CBR4: variants seen among roughly 807,000 people sequenced by gnomAD.
The protein encoded by CBR4 is carbonyl reductase 4.
A neutral mutation model predicts 21.0 loss-of-function variants in CBR4; 22 were observed. The observed-to-expected ratio is 1.05, with a 90% CI of 0.75 to 1.50. The LOEUF (loss-of-function observed/expected upper bound fraction) is 1.50. Ranked by LOEUF, CBR4 falls within the 40% of genes most tolerant of loss-of-function variation. The pLI is 0.00. For synonymous variants in CBR4, 100 were observed against 104.4 expected (o/e 0.96, Z 0.26); for missense variants, 302 against 286.3 (o/e 1.05, Z -0.40).
chr4:168,929,067 T>TGC (rs2126646508), intron 2 of CBR4, among the ~76,000 whole-genome samples: 1 of 152,264 alleles, frequency 6.6e-6, no homozygotes, highest in Admixed American at 6.5e-5. Context: ...ACTGTAGGTA[T>TGC]GCATGTAAAT....
In CBR4 at chr4:169,002,212, C is replaced by CAGA. The variant is rs1730508637; in HGVS notation, c.401-8_401-7insTCT. On this transcript the variant is annotated splice_region_variant and splice_polypyrimidine_tract_variant and intron_variant, in intron 3 of 4. Coordinates refer to ENST00000306193, the MANE Select transcript of CBR4 (RefSeq NM_032783.5). ...TTTAAGCCAACAATGCTTCCTAGGACAAAAAAAAAAAAAAAAAAAAAAAAA... is the reference window on the plus strand; with the variant it reads ...TTTAAGCCAACAATGCTTCCTAGGACAGAAAAAAAAAAAAAAAAAAAAAAAAAA... 1.4e-6 allele frequency: 1 copy of CAGA among 737,132 alleles called. No homozygotes were observed. Among genetic ancestry groups the CAGA allele is most frequent in the Non-Finnish European group, 1.7e-6 (1 of 597,894 alleles). The allele number at this position is 737,132 out of a possible 1,614,324, so 45.7% of individuals were successfully genotyped here. A position where few individuals can be genotyped will look rare whatever the true frequency, so the allele number is the denominator to read the frequency against.
In CBR4 at chr4:168,905,461, C is replaced by CTAAA. The variant is rs200057120; in HGVS notation, n.170-10700_170-10697dup. On this transcript the variant is annotated intron_variant and non_coding_transcript_variant, in intron 2 of 3. Coordinates refer to the CBR4 transcript ENST00000509108. ...CTGCACCCGGCCTGAGACTCTGTTT[C>CTAAA]TAAATAAATAAATAAATAAAGTTTA... Among the ~76,000 whole-genome samples, 355 of 151,700 alleles carry CTAAA rather than the reference C, an allele frequency of 2.3e-3. 4 individuals carry two copies. The highest frequency in any genetic ancestry group is 0.016 in the Admixed American group (246 of 15,224).
intron 2 of CBR4, among the ~76,000 whole-genome samples, chr4:168,924,068 G>A (rs78442642): frequency 2.6e-5 from 4 of 152,226 alleles, no homozygotes; most frequent in Admixed American, 6.5e-5. Flanking sequence ...ATAAATGAGC[G>A]GAATGAAGTA....
At chr4:168,925,820 A>T (rs1230279099) in intron 2 of CBR4, among the ~76,000 whole-genome samples, 6 of 152,160 alleles carry the variant, frequency 3.9e-5, no homozygotes, top group Non-Finnish European at 5.9e-5. Flanking sequence ...CTTTCAGTTG[A>T]TTAGTGTTAA....
At chr4:168,928,885 A>AATC (rs1258134254) in intron 2 of CBR4, among the ~76,000 whole-genome samples, 1 of 152,170 alleles carries the variant, frequency 6.6e-6, no homozygotes, top group Admixed American at 6.5e-5. Flanking sequence ...CCATCCAGAT[A>AATC]ATCTCCCTTT....
intron 2 of CBR4, among the ~76,000 whole-genome samples, chr4:168,946,843 T>A (rs1255729720): frequency 6.6e-6 from 1 of 152,182 alleles, no homozygotes; most frequent in African/African-American, 2.4e-5. Flanking sequence ...GAAACTGACA[T>A]TGGGGTTCCA....
chr4:168,978,628 T>C (rs1448259179), intron 2 of CBR4, among the ~76,000 whole-genome samples: 1 of 152,172 alleles, frequency 6.6e-6, no homozygotes, highest in African/African-American at 2.4e-5. Context: ...CCTTCCCCTG[T>C]GGCCTCCAGG....
At chr4:168,906,993 G>T (rs915354702) in intron 2 of CBR4, among the ~76,000 whole-genome samples, 1 of 152,188 alleles carries the variant, frequency 6.6e-6, no homozygotes, top group Non-Finnish European at 1.5e-5. Context: ...CAGTACAGGG[G>T]TTATGAGCAT....
At chr4:168,997,510 C>T (rs1302345434) in intron 4 of CBR4, among the ~76,000 whole-genome samples, 1 of 152,090 alleles carries the variant, frequency 6.6e-6, no homozygotes. Flanking sequence ...AGGAGGATCG[C>T]TTGAACCCAG....
Position 169,010,121 on chromosome 4 carries a change from A to G in CBR4, c.-32T>C, listed in dbSNP as rs1335686817. 1.3e-6 allele frequency: 2 copies of G among 1,562,482 alleles called. No homozygotes were observed. The highest frequency in any genetic ancestry group is 1.1e-5 in the South Asian group (1 of 87,116). ...GTCACAAACTCGGAGGAAAGAGGGT[A>G]GGGAGTGGGAGCCCCTCTCCAGGTT... On this transcript the variant is annotated 5_prime_UTR_variant, in exon 1 of 5. Transcript: ENST00000306193.
At chr4:168,896,562 C>T in intron 2 of CBR4, 1 of 1,509,680 alleles carries the variant, frequency 6.6e-7, no homozygotes, top group Non-Finnish European at 8.9e-7. Context: ...ATTGGTTCTC[C>T]TCATGCTTCT....
intron 4 of CBR4, among the ~76,000 whole-genome samples, chr4:168,999,002 T>A (rs1247371827): frequency 6.6e-6 from 1 of 152,154 alleles, no homozygotes; most frequent in Admixed American, 6.5e-5. Context: ...AAACACATAT[T>A]TTTTAAGGTA....
intron 2 of CBR4, among the ~76,000 whole-genome samples, chr4:168,910,213 CTGTT>C (rs1280069963): frequency 7.1e-6 from 1 of 141,802 alleles, no homozygotes; most frequent in Non-Finnish European, 1.5e-5. Context: ...GTATGCCAAC[CTGTT>C]TACTTTTTTT....
chr4:169,004,512 A>G (rs1730735837), intron 3 of CBR4, among the ~76,000 whole-genome samples: 2 of 152,202 alleles, frequency 1.3e-5, no homozygotes, highest in Non-Finnish European at 2.9e-5. Context: ...AGTTTATAGG[A>G]TATTCTAAAT....
intron 2 of CBR4, among the ~76,000 whole-genome samples, chr4:168,972,499 C>T (rs1764241322): frequency 1.3e-5 from 2 of 152,120 alleles, no homozygotes; most frequent in Admixed American, 6.6e-5. Context: ...CTTATACTTC[C>T]TTGGTTAGGT....
chr4:168,927,294 A>AAAGG, intron 2 of CBR4: 1 of 231,688 alleles, frequency 4.3e-6, no homozygotes, highest in Non-Finnish European at 8.6e-6. Context: ...GAGAGGTAGC[A>AAAGG]AAGGCCAGGC....
chr4:168,953,048 T>C (rs1763586605), intron 2 of CBR4, among the ~76,000 whole-genome samples: 2 of 152,168 alleles, frequency 1.3e-5, no homozygotes, highest in African/African-American at 2.4e-5. Flanking sequence ...GGGGAAGGGC[T>C]AGGCATGTCT....
At chr4:168,994,385 T>C (rs1765079428) in intron 4 of CBR4, among the ~76,000 whole-genome samples, 1 of 152,184 alleles carries the variant, frequency 6.6e-6, no homozygotes, top group African/African-American at 2.4e-5. Flanking sequence ...ATGGGTGTCA[T>C]GGCCATCACA....
intron 2 of CBR4, chr4:168,926,826 T>C (rs1300961826): frequency 9.0e-6 from 2 of 221,876 alleles, no homozygotes; most frequent in Non-Finnish European, 1.8e-5. Context: ...TTCAGACAGA[T>C]ACAGTGAACC....
Sources: allele counts gnomAD v4.1 joint callset (sites outside exome capture counted in the v4.1 genomes callset), GRCh38; gene constraint gnomAD v4.1.1; transcripts MANE v1.5; gene names NCBI Gene and HGNC (gene_info 2026-07-23, HGNC 2026-07-21).